Variants in TCTN2 observed in about 807,000 individuals in gnomAD.
TCTN2 encodes the protein tectonic-2.
TCTN2 carries 66 observed loss-of-function variants against 83.4 expected under a neutral mutation model. That is an observed-to-expected ratio of 0.79 (90% confidence interval 0.65 to 0.97). The LOEUF is 0.97. TCTN2 is among the 50% of genes least tolerant of loss of function. TCTN2 has a pLI of 0.00. For missense variants in TCTN2, 794 were observed against 858.1 expected (o/e 0.93, Z 0.93); for synonymous variants, 301 against 326.7 (o/e 0.92, Z 0.85).
chr12:123,679,639 C>T (rs902697703), intron 5 of TCTN2, among the ~76,000 whole-genome samples: 4 of 152,004 alleles, frequency 2.6e-5, no homozygotes, highest in South Asian at 2.1e-4. Flanking sequence ...GTTGGGATTA[C>T]AGGTGTGAGC....
intron 10 of TCTN2, 43 bp downstream of exon 10, chr12:123,695,019 A>G: frequency 6.3e-7 from 1 of 1,598,018 alleles, no homozygotes; most frequent in South Asian, 1.1e-5. Flanking sequence ...ACTGAAAAGT[A>G]TTTTTTTTTC....
At position 123,700,250 on chromosome 12, in the gene TCTN2, A is replaced by G. The variant is rs146607037; in HGVS notation, c.1612+440A>G. ...GGTCATTAACTCCTGGGCTTAAGTG[A>G]TCTGCCCACCCCAACCTCTTAAACC... On this transcript the variant is annotated intron_variant, in intron 14 of 17. Coordinates refer to ENST00000303372, the MANE Select transcript of TCTN2 (RefSeq NM_024809.5). 1.2e-3 allele frequency: 367 copies of G among 303,982 alleles called. 1 individual carries two copies. The highest frequency in any genetic ancestry group is 9.1e-3 in the African/African-American group (321 of 35,414). 18.8% of individuals were successfully genotyped at this position (303,982 alleles called of 1,614,324 possible).
At chr12:123,681,945 T>TA (rs1383288736) in intron 5 of TCTN2, among the ~76,000 whole-genome samples, 1 of 152,178 alleles carries the variant, frequency 6.6e-6, no homozygotes, top group Non-Finnish European at 1.5e-5. Flanking sequence ...TGTGAACTGA[T>TA]ATTTCTTTAT....
At chr12:123,703,194 AT>A (rs1041192973) in intron 14 of TCTN2, among the ~76,000 whole-genome samples, 4 of 78,148 alleles carry the variant, frequency 5.1e-5, no homozygotes, top group South Asian at 4.3e-4. Context: ...TATTATCATT[AT>A]TTTTTTTTTG....
chr12:123,674,686 G>A (rs1268365589), intron 4 of TCTN2, among the ~76,000 whole-genome samples: 1 of 152,154 alleles, frequency 6.6e-6, no homozygotes, highest in Non-Finnish European at 1.5e-5. Flanking sequence ...TTGAGCCCAG[G>A]AGTTCGAGAC....
chr12:123,695,077 T>C, intron 10 of TCTN2, 101 bp downstream of exon 10: 1 of 1,513,300 alleles, frequency 6.6e-7, no homozygotes, highest in Non-Finnish European at 9.1e-7. Flanking sequence ...TAAGTTGGAC[T>C]TGTTTCTTAT....
Position 123,705,690 on chromosome 12 carries a change from C to T in TCTN2, c.1769+1002C>T, listed in dbSNP as rs373942795. Among the ~76,000 whole-genome samples the T allele has an allele frequency of 3.1e-4, 47 of 152,136 alleles. No homozygotes were observed. In the East Asian group the frequency reaches 6.8e-3, roughly 22 times the overall value. Reference sequence around the variant, plus strand: ...ATGGCAAAGATCAGCACCAGCAATCCAGGCTTATGTCACTGCAGCAAGTCC... The same window carrying T: ...ATGGCAAAGATCAGCACCAGCAATCTAGGCTTATGTCACTGCAGCAAGTCC... On this transcript the variant is annotated intron_variant, in intron 15 of 17. Coordinates refer to ENST00000303372, the MANE Select transcript of TCTN2 (RefSeq NM_024809.5).
At chr12:123,692,311 C>G (rs1359354784) in intron 8 of TCTN2, among the ~76,000 whole-genome samples, 1 of 152,224 alleles carries the variant, frequency 6.6e-6, no homozygotes, top group Admixed American at 6.5e-5. Flanking sequence ...TCCCAAAGTG[C>G]TGGGATTATA....
chr12:123,681,739 A>G (rs1200851609), intron 5 of TCTN2, among the ~76,000 whole-genome samples: 2 of 152,078 alleles, frequency 1.3e-5, no homozygotes, highest in African/African-American at 2.4e-5. Flanking sequence ...ATATGTTTCC[A>G]TTTCTCTTGG....
intron 17 of TCTN2, 193 bp downstream of exon 17, chr12:123,707,266 TTA>T (rs1393963984): frequency 4.7e-6 from 3 of 634,510 alleles, no homozygotes; most frequent in Middle Eastern, 4.2e-4. Flanking sequence ...GTTTTTTTTT[TTA>T]GAGAGTCTTG....
chr12:123,675,854 T>A (rs1955813960), intron 4 of TCTN2, among the ~76,000 whole-genome samples: 1 of 152,078 alleles, frequency 6.6e-6, no homozygotes, highest in Admixed American at 6.6e-5. Flanking sequence ...AAGTTTTAAA[T>A]TTTTCTATGG....
chr12:123,680,964 A>G (rs1593840157), intron 5 of TCTN2, among the ~76,000 whole-genome samples: 1 of 152,148 alleles, frequency 6.6e-6, no homozygotes, highest in Admixed American at 6.6e-5. Context: ...GAAATATAAA[A>G]AAAGAAAGAA....
chr12:123,707,193 T>C, intron 17 of TCTN2, 120 bp downstream of exon 17: 1 of 851,170 alleles, frequency 1.2e-6, no homozygotes, highest in East Asian at 2.6e-5. Context: ...AAAGTACGGA[T>C]AATATTGCCA....
Position 123,671,216 on chromosome 12 carries a change from G to A in TCTN2, c.-25G>A. On this transcript the variant is annotated 5_prime_UTR_variant, in exon 1 of 18. It adds an upstream start codon to the 5' untranslated region. Transcript: ENST00000303372. ...GTTCTAATGAGGGCGCGGTTCTGCT[G>A]TGCCCGGCCCGCGAGGTCTAAGGCA... 6 of 1,605,302 alleles carry A rather than the reference G, an allele frequency of 3.7e-6. No homozygotes were observed. The highest frequency in any genetic ancestry group is 5.1e-6 in the Non-Finnish European group (6 of 1,176,266).
intron 3 of TCTN2, among the ~76,000 whole-genome samples, chr12:123,672,348 CTA>C (rs982289763): frequency 4.6e-5 from 7 of 152,194 alleles, no homozygotes; most frequent in African/African-American, 1.7e-4. Context: ...TCTGTGAACT[CTA>C]TGAAATTGTA....
intron 14 of TCTN2, among the ~76,000 whole-genome samples, chr12:123,701,534 C>T (rs554201883): frequency 2.2e-4 from 33 of 151,522 alleles, no homozygotes; most frequent in Non-Finnish European, 1.6e-4. Context: ...GTCAGGAGAT[C>T]GAGAGCATCC....
chr12:123,704,995 T>G (rs1956213291), intron 15 of TCTN2, among the ~76,000 whole-genome samples: 1 of 152,070 alleles, frequency 6.6e-6, no homozygotes, highest in African/African-American at 2.4e-5. Flanking sequence ...GATAATCTGA[T>G]CAGAGAATAT....
chr12:123,703,544 G>T (rs1290185425), intron 14 of TCTN2, among the ~76,000 whole-genome samples: 2 of 152,172 alleles, frequency 1.3e-5, no homozygotes, highest in African/African-American at 4.8e-5. Flanking sequence ...ATGTAGTGGT[G>T]CCATGCCATC....
Position 123,690,519 on chromosome 12 carries a change from C to T in TCTN2, c.892-14C>T. 1 of 1,614,128 alleles carries T rather than the reference C, an allele frequency of 6.2e-7. No homozygotes were observed. The highest frequency in any genetic ancestry group is 8.5e-7 in the Non-Finnish European group (1 of 1,180,012). ...AGAGGCCATAAATCTGTTGGCTTTG[C>T]CCTTCTCCCTCAGGTGTCCCTGGCT... On this transcript the variant is annotated splice_polypyrimidine_tract_variant and intron_variant, in intron 7 of 17. Coordinates refer to ENST00000303372, the MANE Select transcript of TCTN2 (RefSeq NM_024809.5).
Sources: gnomAD v4.1 joint callset for allele counts (sites outside exome capture counted in the v4.1 genomes callset) on GRCh38, gnomAD v4.1.1 for gene constraint, MANE v1.5 for transcripts, NCBI Gene and HGNC (gene_info 2026-07-23, HGNC 2026-07-21) for gene names.